The following TBC1D12 variants were observed in gnomAD, a reference collection of about 807,000 sequenced individuals.
The protein encoded by TBC1D12 is TBC1 domain family member 12, also known as TBC1 domain family, member 12.
TBC1D12 carries 56 observed loss-of-function variants against 86.7 expected under a neutral mutation model. The observed-to-expected ratio is 0.65, with a 90% CI of 0.52 to 0.81. The LOEUF (loss-of-function observed/expected upper bound fraction) is 0.81. Ranked by LOEUF, TBC1D12 falls within the 30% of genes least tolerant of loss-of-function variation. The pLI is 0.00. For missense variants in TBC1D12, 1,023 were observed against 1,038.8 expected (o/e 0.98, Z 0.21); for synonymous variants, 421 against 411.7 (o/e 1.02, Z -0.27).
At chr10:94,507,226 T>A in intron 6 of TBC1D12, 41 bp from the exon 7 acceptor site, 1 of 1,568,720 alleles carries the variant, frequency 6.4e-7, no homozygotes, top group Non-Finnish European at 8.7e-7. Flanking sequence ...TATATTTCTT[T>A]CCTATTATTC....
chr10:94,417,570 A>G (rs991135324), intron 1 of TBC1D12, among the ~76,000 whole-genome samples: 1 of 152,204 alleles, frequency 6.6e-6, no homozygotes, highest in African/African-American at 2.4e-5. Flanking sequence ...ACCTCAGGAA[A>G]AACCCTGGAG....
intron 9 of TBC1D12, among the ~76,000 whole-genome samples, chr10:94,512,335 GA>G (rs2056537784): frequency 6.6e-6 from 1 of 152,118 alleles, no homozygotes; most frequent in Non-Finnish European, 1.5e-5. Flanking sequence ...GGAGAACAAA[GA>G]AAGATGTGAT....
intron 6 of TBC1D12, among the ~76,000 whole-genome samples, chr10:94,506,801 G>C (rs1276484257): frequency 1.3e-5 from 2 of 152,128 alleles, no homozygotes; most frequent in African/African-American, 4.8e-5. Context: ...GTGCTATGAG[G>C]TGCCAGGAGC....
chr10:94,460,968 C>A (rs1354224216), intron 2 of TBC1D12, among the ~76,000 whole-genome samples: 2 of 152,162 alleles, frequency 1.3e-5, no homozygotes, highest in East Asian at 1.9e-4. Flanking sequence ...TTACATTATT[C>A]TTGCATGTTG....
chr10:94,464,485 A>G (rs893157136), intron 2 of TBC1D12, among the ~76,000 whole-genome samples: 1 of 151,856 alleles, frequency 6.6e-6, no homozygotes, highest in African/African-American at 2.4e-5. Flanking sequence ...TCTTTTTTTG[A>G]GACAAAGTCT....
intron 6 of TBC1D12, among the ~76,000 whole-genome samples, chr10:94,502,176 TA>T (rs909909157): frequency 4.1e-4 from 62 of 151,036 alleles, no homozygotes; most frequent in African/African-American, 1.4e-3. Flanking sequence ...CTACTAAAAA[TA>T]CAAAATTAGC....
intron 1 of TBC1D12, among the ~76,000 whole-genome samples, chr10:94,412,159 A>G (rs1021420107): frequency 7.9e-5 from 12 of 152,222 alleles, no homozygotes; most frequent in African/African-American, 2.7e-4. Flanking sequence ...ACTCATCCAT[A>G]AAATGGGGAT....
intron 2 of TBC1D12, among the ~76,000 whole-genome samples, chr10:94,470,604 C>T (rs2055889881): frequency 6.6e-6 from 1 of 151,676 alleles, no homozygotes; most frequent in Non-Finnish European, 1.5e-5. Context: ...CACAAGTGAT[C>T]TGCCAGCCTC....
chr10:94,413,132 A>G (rs936429898), intron 1 of TBC1D12, among the ~76,000 whole-genome samples: 5 of 152,246 alleles, frequency 3.3e-5, no homozygotes, highest in African/African-American at 9.6e-5. Context: ...AAATTGGGTC[A>G]TATTCAGGTA....
At chr10:94,497,656 A>G (rs1331627648) in intron 5 of TBC1D12, among the ~76,000 whole-genome samples, 5 of 148,152 alleles carry the variant, frequency 3.4e-5, no homozygotes, top group African/African-American at 1.0e-4. Context: ...AGTAGCTGGG[A>G]CTACAGGCGC....
intron 7 of TBC1D12, 74 bp downstream of exon 7, chr10:94,507,421 A>G (rs1436492590): frequency 7.7e-7 from 1 of 1,295,496 alleles, no homozygotes; most frequent in Non-Finnish European, 1.1e-6. Flanking sequence ...AAGCTGTAGT[A>G]ATCGCTTTAC....
chr10:94,486,727 C>G (rs955620317), intron 3 of TBC1D12, among the ~76,000 whole-genome samples: 15 of 152,172 alleles, frequency 9.9e-5, no homozygotes, highest in African/African-American at 3.6e-4. Context: ...ACTAAGGAAG[C>G]AACATGTGGT....
Position 94,465,793 on chromosome 10 carries a change from C to CACAT in TBC1D12, c.1096-8875_1096-8874insACAT, listed in dbSNP as rs531396739. On this transcript the variant is annotated intron_variant, in intron 2 of 12. Transcript: ENST00000225235. ...GTATACGCATACATACATACATATACGCATACATACATATACGCATACATA... is the reference window on the plus strand; with the variant it reads ...GTATACGCATACATACATACATATACACATGCATACATACATATACGCATACATA... Among the ~76,000 whole-genome samples the CACAT allele has an allele frequency of 8.4e-3, 1,141 of 136,186 alleles. 18 individuals are homozygous for CACAT. The highest frequency in any genetic ancestry group is 0.031 in the African/African-American group (1,090 of 34,690). The allele number at this position is 136,186 out of a possible 152,430, so 89.3% of individuals were successfully genotyped here.
intron 2 of TBC1D12, among the ~76,000 whole-genome samples, chr10:94,444,392 C>G (rs932806551): frequency 6.6e-6 from 1 of 151,912 alleles, no homozygotes; most frequent in Non-Finnish European, 1.5e-5. Context: ...GGTTGGGAAC[C>G]TCTGCTATTG....
intron 2 of TBC1D12, among the ~76,000 whole-genome samples, chr10:94,472,418 A>G (rs941400270): frequency 6.6e-6 from 1 of 152,188 alleles, no homozygotes; most frequent in Admixed American, 6.5e-5. Context: ...CTAACAGTGC[A>G]TGGTTACACA....
At chr10:94,404,279 C>T (rs1417860419) in intron 1 of TBC1D12, among the ~76,000 whole-genome samples, 1 of 152,178 alleles carries the variant, frequency 6.6e-6, no homozygotes, top group African/African-American at 2.4e-5. Flanking sequence ...ATAAGCCTCT[C>T]CTTTTTTTCC....
intron 1 of TBC1D12, among the ~76,000 whole-genome samples, chr10:94,412,355 G>C (rs1030412912): frequency 6.6e-6 from 1 of 152,226 alleles, no homozygotes; most frequent in Admixed American, 6.5e-5. Flanking sequence ...GATACTGGAT[G>C]AATTTTTGTG....
chr10:94,466,434 G>A (rs905148389), intron 2 of TBC1D12, among the ~76,000 whole-genome samples: 1 of 151,750 alleles, frequency 6.6e-6, no homozygotes, highest in Non-Finnish European at 1.5e-5. Context: ...ATGTATATAT[G>A]TATATACATA....
At chr10:94,430,904 G>T (rs1254424947) in intron 1 of TBC1D12, among the ~76,000 whole-genome samples, 2 of 152,140 alleles carry the variant, frequency 1.3e-5, no homozygotes, top group Admixed American at 1.3e-4. Context: ...GCAACTTATT[G>T]CTCAACTCCT....
Sources: gnomAD v4.1 joint callset for allele counts (sites outside exome capture counted in the v4.1 genomes callset) on GRCh38, gnomAD v4.1.1 for gene constraint, MANE v1.5 for transcripts, NCBI Gene and HGNC (gene_info 2026-07-23, HGNC 2026-07-21) for gene names.